The following FAM222A variants were observed in gnomAD, a reference collection of about 807,000 sequenced individuals.
The protein encoded by FAM222A is protein FAM222A.
A neutral mutation model predicts 25.8 loss-of-function variants in FAM222A; 7 were observed. The observed-to-expected ratio is 0.27, with a 90% CI of 0.15 to 0.51. The LOEUF (loss-of-function observed/expected upper bound fraction) is 0.51. FAM222A is among the 20% of genes least tolerant of loss of function. The pLI, the probability that FAM222A is intolerant of heterozygous loss-of-function variation, is 0.97. For missense variants in FAM222A, 573 were observed against 640.5 expected (o/e 0.89, Z 1.14); for synonymous variants, 294 against 298.8 (o/e 0.98, Z 0.17).
At chr12:109,738,754 C>CA (rs1272611874) in intron 1 of FAM222A, among the ~76,000 whole-genome samples, 2 of 152,232 alleles carry the variant, frequency 1.3e-5, no homozygotes, top group Non-Finnish European at 2.9e-5. Flanking sequence ...GGGACTGCCC[C>CA]ACACCTTGTA....
At chr12:109,761,299 G>A (rs375970209) in intron 2 of FAM222A, among the ~76,000 whole-genome samples, 2 of 152,096 alleles carry the variant, frequency 1.3e-5, no homozygotes, top group Non-Finnish European at 2.9e-5. Context: ...GGTGGGTGGC[G>A]AGCCAGAAGG....
chr12:109,723,550 C>G (rs190124030), intron 1 of FAM222A, among the ~76,000 whole-genome samples: 2 of 143,094 alleles, frequency 1.4e-5, no homozygotes, highest in African/African-American at 5.8e-5. Context: ...TAGCTCCTTT[C>G]TCTCCATCAT....
At chr12:109,732,741 T>C (rs1056329596) in intron 1 of FAM222A, among the ~76,000 whole-genome samples, 2 of 152,044 alleles carry the variant, frequency 1.3e-5, no homozygotes, top group African/African-American at 4.8e-5. Flanking sequence ...CACACACGTG[T>C]ACACACACAC....
intron 1 of FAM222A, among the ~76,000 whole-genome samples, chr12:109,726,344 C>G (rs888537373): frequency 3.9e-5 from 6 of 152,220 alleles, no homozygotes; most frequent in Admixed American, 3.9e-4. Context: ...CTGGGGACAT[C>G]ATGGTTTGGT....
intron 1 of FAM222A, chr12:109,743,881 C>T (rs534842949): frequency 1.1e-4 from 104 of 985,456 alleles, no homozygotes; most frequent in Middle Eastern, 5.2e-4. Context: ...GTCCAGCCCC[C>T]ACTCAAGAGC....
At chr12:109,751,276 C>T (rs1565843208) in intron 2 of FAM222A, among the ~76,000 whole-genome samples, 1 of 151,846 alleles carries the variant, frequency 6.6e-6, no homozygotes, top group Non-Finnish European at 1.5e-5. Context: ...GAAAGAACTG[C>T]TTACTAAATT....
chr12:109,718,474 C>G (rs1001054131), intron 1 of FAM222A, among the ~76,000 whole-genome samples: 3 of 152,224 alleles, frequency 2.0e-5, no homozygotes, highest in Non-Finnish European at 4.4e-5. Flanking sequence ...GTAATTCAAT[C>G]AGGCGGCGAT....
At chr12:109,750,594 C>T (rs1888534437) in intron 2 of FAM222A, among the ~76,000 whole-genome samples, 1 of 152,156 alleles carries the variant, frequency 6.6e-6, no homozygotes, top group Admixed American at 6.5e-5. Context: ...TATGTCACCA[C>T]AATCCCCACA....
In FAM222A at chr12:109,768,610, TCCCAG is replaced by T; in HGVS notation, c.685_689del (p.Ser229CysfsTer28). On this transcript the variant is annotated frameshift_variant, in exon 3 of 3. Coordinates refer to ENST00000538780, the MANE Select transcript of FAM222A (RefSeq NM_032829.3). LOFTEE classifies it high-confidence loss of function. ...CCTGCCAGGGCATGGCTATTCCCCA[TCCCAG>T]CCCTGCCAAGCACGGCCCAGTGCCC... 6.2e-7 allele frequency: 1 copy of T among 1,603,476 alleles called. No homozygotes were observed. Among genetic ancestry groups the T allele is most frequent in the Non-Finnish European group, 8.5e-7 (1 of 1,179,292 alleles).
rs111838477 is a variant in FAM222A at position 109,769,066 on chromosome 12, G to A, written c.1137G>A (p.Glu379=). Residue 379 remains glutamate (E), a synonymous_variant, in exon 3 of 3, where the codon GAG becomes GAA. Coordinates refer to ENST00000538780, the MANE Select transcript of FAM222A (RefSeq NM_032829.3). The part of the protein sequence containing the change: ...VTELGPGAAR[E]LAGPPADALS... Reference sequence around the variant, plus strand: ...AGCTGGGGCCGGGGGCAGCCCGGGAGCTGGCTGGGCCCCCTGCAGATGCCC... The same window carrying A: ...AGCTGGGGCCGGGGGCAGCCCGGGAACTGGCTGGGCCCCCTGCAGATGCCC... 7,168 of 1,597,692 alleles carry A rather than the reference G, an allele frequency of 4.5e-3. 24 individuals are homozygous for A. Among genetic ancestry groups the A allele is most frequent in the Admixed American group, 7.1e-3 (412 of 58,008 alleles).
At chr12:109,720,160 C>T in intron 1 of FAM222A, 8 of 985,446 alleles carry the variant, frequency 8.1e-6, no homozygotes, top group Non-Finnish European at 8.4e-6. Context: ...CACAGCAAGC[C>T]AGCATCCCAG....
Position 109,769,452 on chromosome 12 carries a change from G to A in FAM222A, c.*164G>A. ...CCGCCTCGCTGTGGCCGGATGGAGG[G>A]TGGCAGGGCAACCTCACATACCAAG... On this transcript the variant is annotated 3_prime_UTR_variant, in exon 3 of 3. Coordinates refer to ENST00000538780, the MANE Select transcript of FAM222A (RefSeq NM_032829.3). 1.1e-6 allele frequency: 1 copy of A among 875,508 alleles called. No homozygotes were observed. Among genetic ancestry groups the A allele is most frequent in the Non-Finnish European group, 1.7e-6 (1 of 588,580 alleles). The allele number at this position is 875,508 out of a possible 1,614,324, so 54.2% of individuals were successfully genotyped here.
At chr12:109,720,285 G>A (rs1284051324) in intron 1 of FAM222A, 21 of 678,150 alleles carry the variant, frequency 3.1e-5, no homozygotes, top group Non-Finnish European at 3.8e-5. Flanking sequence ...AGGCTCCCGG[G>A]GATGGGGACT....
In FAM222A at chr12:109,738,178, A is replaced by G. The variant is rs555064184; in HGVS notation, c.-46-5923A>G. On this transcript the variant is annotated intron_variant, in intron 1 of 2. Transcript: ENST00000538780. ...AGCTTGCACCTAGATTCCTGAGGAC[A>G]TTCCTGGGCTGGGCAAGGGTCCCTC... Among the ~76,000 whole-genome samples, 38 of 152,282 alleles carry G rather than the reference A, an allele frequency of 2.5e-4. No individual in the cohort carries two copies. The East Asian group carries it at 6.9e-3, about 28-fold the overall frequency.
intron 2 of FAM222A, among the ~76,000 whole-genome samples, chr12:109,745,953 G>A (rs1888388993): frequency 6.7e-6 from 1 of 149,842 alleles, no homozygotes; most frequent in Non-Finnish European, 1.5e-5. Context: ...TTATTGATTT[G>A]TAGGAGCTAT....
At chr12:109,730,670 G>A (rs1394363610) in intron 1 of FAM222A, among the ~76,000 whole-genome samples, 3 of 152,228 alleles carry the variant, frequency 2.0e-5, no homozygotes, top group East Asian at 1.9e-4. Flanking sequence ...TCTTTGCCGT[G>A]TTTGGTTTTT....
intron 1 of FAM222A, among the ~76,000 whole-genome samples, chr12:109,718,164 T>C (rs1303236634): frequency 6.6e-6 from 1 of 151,898 alleles, no homozygotes; most frequent in Non-Finnish European, 1.5e-5. Context: ...TTGTCATGGC[T>C]ACTGTTACCT....
At chr12:109,735,558 C>G (rs1224442357) in intron 1 of FAM222A, 3 of 152,184 alleles carry the variant, frequency 2.0e-5, no homozygotes, top group Non-Finnish European at 4.4e-5. Context: ...GCTAGAGATA[C>G]CGGGCCCCTC....
chr12:109,714,966 T>G lies in FAM222A; in HGVS notation c.-47+69T>G, dbSNP rs1887615701. Reference sequence around the variant, plus strand: ...CCCCTGGCGTCCGGGCAGCCAGGATTGGACAGAAGGGGTCCTAGGCTGTTG... The same window carrying G: ...CCCCTGGCGTCCGGGCAGCCAGGATGGGACAGAAGGGGTCCTAGGCTGTTG... On this transcript the variant is annotated intron_variant, in intron 1 of 2. Coordinates refer to ENST00000538780, the MANE Select transcript of FAM222A (RefSeq NM_032829.3). This position sits in a 1 kb window ranked among gnomAD's most constrained non-coding sequence, Gnocchi z 4.2. The G allele has an allele frequency of 6.6e-6, 1 of 152,630 alleles. No individual in the cohort carries two copies. Among genetic ancestry groups the G allele is most frequent in the African/African-American group, 2.4e-5 (1 of 41,482 alleles). 9.5% of individuals were successfully genotyped at this position (152,630 alleles called of 1,614,324 possible).
Sources: allele counts gnomAD v4.1 joint callset (sites outside exome capture counted in the v4.1 genomes callset), GRCh38; gene constraint gnomAD v4.1.1; non-coding constraint Gnocchi (gnomAD v3.1); transcripts MANE v1.5; gene names NCBI Gene and HGNC (gene_info 2026-07-23, HGNC 2026-07-21).